PARD6G: variants seen among roughly 807,000 people sequenced by gnomAD.
The protein encoded by PARD6G is par-6 family cell polarity regulator gamma, also known as partitioning defective 6 homolog gamma.
A neutral mutation model predicts 10.7 loss-of-function variants in PARD6G; 7 were observed. That is an observed-to-expected ratio of 0.66 (90% CI 0.37 to 1.23). The LOEUF is 1.23. Among genes scored for constraint, PARD6G ranks in the 50% most tolerant of loss-of-function variants. The pLI is 0.02. For missense variants in PARD6G, 548 were observed against 571.8 expected (o/e 0.96, Z 0.42); for synonymous variants, 287 against 269.4 (o/e 1.07, Z -0.64).
intron 1 of PARD6G, among the ~76,000 whole-genome samples, chr18:80,234,183 C>G (rs546884531): frequency 1.1e-4 from 16 of 152,288 alleles, no homozygotes; most frequent in African/African-American, 3.6e-4. Context: ...GGCCCCAGCA[C>G]AGCGATGTCC....
At chr18:80,225,214 G>C (rs1225726176) in intron 1 of PARD6G, among the ~76,000 whole-genome samples, 5 of 152,104 alleles carry the variant, frequency 3.3e-5, no homozygotes, top group African/African-American at 7.2e-5. Context: ...CTTTACAAAG[G>C]GTCCAAAATA....
intron 1 of PARD6G, among the ~76,000 whole-genome samples, chr18:80,226,095 A>G (rs891940473): frequency 6.8e-6 from 1 of 147,530 alleles, no homozygotes; most frequent in Non-Finnish European, 1.5e-5. Flanking sequence ...TTCAAAAGGT[A>G]TTTAGTGAAA....
At chr18:80,212,553 C>T (rs183986060) in intron 1 of PARD6G, among the ~76,000 whole-genome samples, 5 of 152,264 alleles carry the variant, frequency 3.3e-5, no homozygotes, top group African/African-American at 1.2e-4. Flanking sequence ...CCGCTACAAC[C>T]GCTGTCAGTC....
rs143758438 is a variant in PARD6G at position 80,215,282 on chromosome 18, C to T, written c.73-12350G>A. On this transcript the variant is annotated intron_variant, in intron 1 of 2. Transcript: ENST00000353265. Reference sequence around the variant, plus strand: ...CCTCTTTCAGGCTGAAATAAAAGAACATTACACATAACTTGAATCTACAAG... The same window carrying T: ...CCTCTTTCAGGCTGAAATAAAAGAATATTACACATAACTTGAATCTACAAG... 3.9e-4 allele frequency among the ~76,000 whole-genome samples: 59 copies of T among 152,234 alleles called. No homozygotes were observed. The East Asian group carries it at 0.011, about 29-fold the overall frequency.
chr18:80,168,748 T>A (rs1239949331), intron 2 of PARD6G: 1 of 168,560 alleles, frequency 5.9e-6, no homozygotes, highest in Non-Finnish European at 1.5e-5. Flanking sequence ...GTAGCTGGGA[T>A]TACAGATGTG....
At chr18:80,208,486 G>A (rs774035407) in intron 1 of PARD6G, among the ~76,000 whole-genome samples, 1 of 152,182 alleles carries the variant, frequency 6.6e-6, no homozygotes, top group African/African-American at 2.4e-5. Flanking sequence ...CAGGACGGCT[G>A]CTTCAACATC....
chr18:80,242,973 T>A (rs1356095966), intron 1 of PARD6G, among the ~76,000 whole-genome samples: 1 of 152,088 alleles, frequency 6.6e-6, no homozygotes, highest in Non-Finnish European at 1.5e-5. Flanking sequence ...ATTGGTAAAA[T>A]AAACTTTCCA....
intron 1 of PARD6G, among the ~76,000 whole-genome samples, chr18:80,239,232 G>A (rs1967462689): frequency 6.7e-6 from 1 of 150,366 alleles, no homozygotes; most frequent in Non-Finnish European, 1.5e-5. Flanking sequence ...GGGGTCGAAG[G>A]TACCTGATGA....
chr18:80,186,340 TGTGCATGCACCCTCACAC>T (rs2052877607), intron 2 of PARD6G, among the ~76,000 whole-genome samples: 1 of 113,594 alleles, frequency 8.8e-6, no homozygotes, highest in Admixed American at 9.2e-5. Flanking sequence ...CACCCTCACA[TGTGCATGCACCCTCACAC>T]ATGCTCGCAC....
At chr18:80,176,891 G>A (rs2052811033) in intron 2 of PARD6G, among the ~76,000 whole-genome samples, 1 of 151,912 alleles carries the variant, frequency 6.6e-6, no homozygotes, top group African/African-American at 2.4e-5. Context: ...CAGATGGGAA[G>A]CACGCACACA....
chr18:80,167,036 GAAT>G (rs2052740841), intron 2 of PARD6G, among the ~76,000 whole-genome samples: 2 of 152,120 alleles, frequency 1.3e-5, no homozygotes. Flanking sequence ...TCACCGTATG[GAAT>G]AATTACCACT....
At chr18:80,199,459 C>T (rs1966989235) in intron 2 of PARD6G, among the ~76,000 whole-genome samples, 1 of 152,106 alleles carries the variant, frequency 6.6e-6, no homozygotes, top group African/African-American at 2.4e-5. Context: ...CTGTTCTCGC[C>T]TTATGGATAT....
At chr18:80,194,931 G>T (rs1039357562) in intron 2 of PARD6G, among the ~76,000 whole-genome samples, 1 of 152,154 alleles carries the variant, frequency 6.6e-6, no homozygotes, top group African/African-American at 2.4e-5. Flanking sequence ...CTCCTGGGCC[G>T]ACTGCTAGAG....
chr18:80,185,649 T>C (rs1233792960), intron 2 of PARD6G, among the ~76,000 whole-genome samples: 1 of 149,348 alleles, frequency 6.7e-6, no homozygotes, highest in Non-Finnish European at 1.5e-5. Flanking sequence ...CACACGCATA[T>C]ACCCTCATAT....
intron 1 of PARD6G, among the ~76,000 whole-genome samples, chr18:80,217,206 T>C (rs928991072): frequency 6.6e-6 from 1 of 152,200 alleles, no homozygotes; most frequent in African/African-American, 2.4e-5. Context: ...CAAGTAGTAT[T>C]AGATTATAAT....
intron 1 of PARD6G, among the ~76,000 whole-genome samples, chr18:80,217,870 G>C (rs557408769): frequency 1.2e-4 from 19 of 152,318 alleles, no homozygotes; most frequent in Non-Finnish European, 1.2e-4. Flanking sequence ...AATCATGGTG[G>C]AAGGGGAAGC....
chr18:80,242,224 A>G (rs1967498471), intron 1 of PARD6G, among the ~76,000 whole-genome samples: 1 of 152,218 alleles, frequency 6.6e-6, no homozygotes, highest in African/African-American at 2.4e-5. Flanking sequence ...AAGTCACTGA[A>G]CCTGTTTAAG....
intron 1 of PARD6G, among the ~76,000 whole-genome samples, chr18:80,217,684 G>T (rs1237935763): frequency 6.6e-6 from 1 of 152,012 alleles, no homozygotes; most frequent in Non-Finnish European, 1.5e-5. Context: ...AACTATCAAG[G>T]TCACCAAAAA....
Position 80,192,534 on chromosome 18 carries a change from C to T in PARD6G, c.295+10176G>A, listed in dbSNP as rs929550841. Among the ~76,000 whole-genome samples the T allele has an allele frequency of 6.7e-6, 1 of 149,550 alleles. No individual in the cohort carries two copies. The highest frequency in any genetic ancestry group is 1.5e-5 in the Non-Finnish European group (1 of 67,714). On this transcript the variant is annotated intron_variant, in intron 2 of 2. Coordinates refer to ENST00000353265, the MANE Select transcript of PARD6G (RefSeq NM_032510.4). The surrounding 1 kb of genome is among the most constrained non-coding windows in gnomAD (Gnocchi z 4.9). ...GGGAGAGCAGGTGCCACGGCGGGAG[C>T]CCAGGGGATGGGGGAGAGCAGGTGC...
Sources: allele counts gnomAD v4.1 joint callset (sites outside exome capture counted in the v4.1 genomes callset), GRCh38; gene constraint gnomAD v4.1.1; non-coding constraint Gnocchi (gnomAD v3.1); transcripts MANE v1.5; gene names NCBI Gene and HGNC (gene_info 2026-07-23, HGNC 2026-07-21).